Variants in IFT56 observed in about 807,000 individuals in gnomAD.
The protein encoded by IFT56 is intraflagellar transport 56.
the IFT56 span, chr7:139,146,947 T>G: frequency 2.0e-6 from 3 of 1,492,540 alleles, no homozygotes; most frequent in Admixed American, 6.0e-5. Context: ...GTTGTCAAGC[T>G]ATGCCTCCAG....
At chr7:139,174,365 C>T in the IFT56 span, 1 of 493,350 alleles carries the variant, frequency 2.0e-6, no homozygotes. Flanking sequence ...GTCCAGAGGC[C>T]TCCTCCACTG....
At chr7:139,173,225 CTTTTT>C in the IFT56 span, 311 of 295,124 alleles carry the variant, frequency 1.1e-3, no homozygotes, top group South Asian at 1.5e-3. Context: ...ACAAAGTCAC[CTTTTT>C]TTTTTTTTTT....
the IFT56 span, chr7:139,178,349 A>C: frequency 6.5e-7 from 1 of 1,535,764 alleles, no homozygotes; most frequent in East Asian, 2.3e-5. Context: ...AATACTATGG[A>C]ATGTGTCAGA....
the IFT56 span, among the ~76,000 whole-genome samples, chr7:139,170,829 A>G: frequency 6.6e-6 from 1 of 152,256 alleles, no homozygotes; most frequent in Non-Finnish European, 1.5e-5. Flanking sequence ...GTTATTCAAC[A>G]TAGCACTGGA....
the IFT56 span, chr7:139,168,580 A>AC: frequency 3.2e-5 from 19 of 586,066 alleles, no homozygotes; most frequent in South Asian, 1.2e-4. Flanking sequence ...AAAAAAAAAA[A>AC]ACAAAAAAAA....
the IFT56 span, chr7:139,174,149 G>A: frequency 2.0e-5 from 12 of 594,112 alleles, no homozygotes; most frequent in Non-Finnish European, 3.3e-5. Context: ...TCAGTATCAT[G>A]AAGCACATGA....
chr7:139,189,369 C>T, the IFT56 span: 2 of 1,613,198 alleles, frequency 1.2e-6, no homozygotes, highest in Non-Finnish European at 1.7e-6. Context: ...CAGGTAACAC[C>T]CAAGTAGAAT....
the IFT56 span, among the ~76,000 whole-genome samples, chr7:139,166,363 CA>C: frequency 2.8e-4 from 42 of 152,062 alleles, no homozygotes; most frequent in South Asian, 8.1e-3. Context: ...CAAACATAGA[CA>C]AAAATAAATG....
the IFT56 span, among the ~76,000 whole-genome samples, chr7:139,141,183 C>T: frequency 4.7e-5 from 7 of 150,024 alleles, no homozygotes; most frequent in Admixed American, 2.7e-4. Context: ...ATGGTGTGAA[C>T]GCGGGAGGCG....
At chr7:139,134,719 AAGGT>A in the IFT56 span, 5 of 1,614,002 alleles carry the variant, frequency 3.1e-6, no homozygotes, top group East Asian at 4.5e-5. Context: ...AGAAAGAAGA[AAGGT>A]AGGAAGATTC....
chr7:139,140,775 CAA>C, the IFT56 span, among the ~76,000 whole-genome samples: 1,204 of 74,718 alleles, frequency 0.016, 9 homozygotes, highest in African/African-American at 0.051. Context: ...AACTCCACCT[CAA>C]AAAAAAAAAA....
chr7:139,163,435 C>G, the IFT56 span, among the ~76,000 whole-genome samples: 2 of 151,838 alleles, frequency 1.3e-5, no homozygotes, highest in African/African-American at 4.8e-5. Flanking sequence ...CATCATGGAG[C>G]AAGAGGACAG....
the IFT56 span, among the ~76,000 whole-genome samples, chr7:139,141,329 GC>G: frequency 1.1e-4 from 16 of 151,468 alleles, no homozygotes; most frequent in Non-Finnish European, 1.5e-5. Context: ...ATAGGTGTGA[GC>G]ATCGTATGCT....
chr7:139,139,203 T>C, the IFT56 span, among the ~76,000 whole-genome samples: 1 of 152,072 alleles, frequency 6.6e-6, no homozygotes, highest in Non-Finnish European at 1.5e-5. Flanking sequence ...GGACAGTTAA[T>C]GAGGAGGCGA....
chr7:139,145,429 GTTT>G, the IFT56 span, among the ~76,000 whole-genome samples: 3 of 151,452 alleles, frequency 2.0e-5, no homozygotes, highest in African/African-American at 7.3e-5. Context: ...GATTTTTTTT[GTTT>G]GTTTTTTTGA....
chr7:139,149,896 A>G, the IFT56 span, among the ~76,000 whole-genome samples: 1 of 152,012 alleles, frequency 6.6e-6, no homozygotes, highest in Non-Finnish European at 1.5e-5. Context: ...ACATACACAT[A>G]TATACATATA....
chr7:139,166,969 T>A, the IFT56 span: 10,456 of 994,558 alleles, frequency 0.011, 78 homozygotes, highest in Non-Finnish European at 0.012. Flanking sequence ...TAGTTGGAAG[T>A]CATATTAGAG....
At chr7:139,176,320 T>C in the IFT56 span, among the ~76,000 whole-genome samples, 1 of 152,042 alleles carries the variant, frequency 6.6e-6, no homozygotes, top group African/African-American at 2.4e-5. Context: ...TGGATATCCA[T>C]ATGCAGTATG....
At chr7:139,140,121 C>A in the IFT56 span, 219 of 616,756 alleles carry the variant, frequency 3.6e-4, no homozygotes, top group East Asian at 6.5e-3. Context: ...TATTAGAAAG[C>A]TAAAAAAATA....
Sources: allele counts gnomAD v4.1 joint callset (sites outside exome capture counted in the v4.1 genomes callset), GRCh38; gene constraint gnomAD v4.1.1; transcripts MANE v1.5; gene names NCBI Gene and HGNC (gene_info 2026-07-23, HGNC 2026-07-21).